Variants in ADNP observed in about 807,000 individuals in gnomAD.
The protein encoded by ADNP is activity dependent neuroprotector homeobox, also known as activity-dependent neuroprotector homeobox protein.
ADNP carries 4 observed loss-of-function variants against 84.9 expected under a neutral mutation model. The observed-to-expected ratio is 0.05, with a 90% CI of 0.02 to 0.11. The LOEUF (loss-of-function observed/expected upper bound fraction) is 0.11. ADNP is among the 10% of genes least tolerant of loss of function. The pLI is 1.00. For missense variants in ADNP, 1,132 were observed against 1,326.0 expected, an observed-to-expected ratio of 0.85 and a Z score of 2.27; for synonymous variants, 554 against 468.1, an observed-to-expected ratio of 1.18 and a Z score of -2.37.
Position 50,891,329 on chromosome 20 carries a change from G to A in ADNP, c.*76C>T. The A allele has an allele frequency of 2.0e-6, 3 of 1,474,406 alleles. No homozygotes were observed. Among genetic ancestry groups the A allele is most frequent in the Non-Finnish European group, 1.8e-6 (2 of 1,119,844 alleles). The allele number at this position is 1,474,406 out of a possible 1,614,324, so 91.3% of individuals were successfully genotyped here. A position where few individuals can be genotyped will look rare whatever the true frequency, so the allele number is the denominator to read the frequency against. ...AGTACTCACAAGGCAGTACCAGTGA[G>A]AAGACAGCTTTGCAGTCACACTGGA... On this transcript the variant is annotated 3_prime_UTR_variant, in exon 6 of 6. Transcript: ENST00000621696.
At chr20:50,909,363 C>CAAAAAAAAAAAAAAGAAAAAAAAAA (rs1982811621) in intron 2 of ADNP, 1 of 44,352 alleles carries the variant, frequency 2.3e-5, no homozygotes, top group Non-Finnish European at 4.0e-5. Context: ...AAAACTGTCT[C>CAAAAAAAAAAAAAAGAAAAAAAAAA]AAAAAAAAAA....
Position 50,892,552 on chromosome 20 carries a change from T to G in ADNP, c.2162A>C (p.Gln721Pro). 6.2e-7 allele frequency: 1 copy of G among 1,614,242 alleles called. No individual in the cohort carries two copies. Among genetic ancestry groups the G allele is most frequent in the Admixed American group, 1.7e-5 (1 of 60,028 alleles). ...TTTTTTCAGTAAGGGAAATTCCATT[T>G]GCTCGTAAGTGCGCTTCACAGGTGC... Reference protein sequence around the residue: ...SLAPVKRTYEQMEFPLLKKRK... With the variant: ...SLAPVKRTYEPMEFPLLKKRK... The change falls in exon 6 of 6, where the codon CAA becomes CCA. Residue 721 changes from glutamine to proline, a missense_variant. Transcript: ENST00000621696.
At chr20:50,908,501 G>A (rs961509774) in intron 2 of ADNP, among the ~76,000 whole-genome samples, 6 of 152,162 alleles carry the variant, frequency 3.9e-5, no homozygotes, top group Non-Finnish European at 7.4e-5. Context: ...TAGGCTGGGC[G>A]CGGTGGCTCA....
chr20:50,914,516 TAA>T (rs1368104088), intron 2 of ADNP: 2 of 285,742 alleles, frequency 7.0e-6, no homozygotes, highest in Non-Finnish European at 1.4e-5. Context: ...CAAAGTCTTA[TAA>T]ACATGTTGAC....
At chr20:50,899,487 AGG>A (rs1981744300) in intron 5 of ADNP, among the ~76,000 whole-genome samples, 1 of 152,178 alleles carries the variant, frequency 6.6e-6, no homozygotes, top group African/African-American at 2.4e-5. Context: ...CTGGGATTAT[AGG>A]CATGAGCCCA....
chr20:50,897,108 T>C (rs942379719), intron 5 of ADNP, among the ~76,000 whole-genome samples: 4 of 151,970 alleles, frequency 2.6e-5, no homozygotes, highest in African/African-American at 9.7e-5. Context: ...CCGGCTAATT[T>C]TTTTGTATTT....
Position 50,890,130 on chromosome 20 carries a change from T to TAAAAAAA in ADNP, c.*1274_*1275insTTTTTTT, listed in dbSNP as rs1980513723. 1 of 105,808 alleles carries TAAAAAAA rather than the reference T, an allele frequency of 9.5e-6. No individual in the cohort carries two copies. The highest frequency in any genetic ancestry group is 1.6e-5 in the Non-Finnish European group (1 of 62,956). 6.6% of individuals were successfully genotyped at this position (105,808 alleles called of 1,614,324 possible). ...AAACTCAAGGGTGTTTGTTTTTCAG[T>TAAAAAAA]TAAAAAAAAAAAAAAAAAAAAAAAA... On this transcript the variant is annotated 3_prime_UTR_variant, in exon 6 of 6. Transcript: ENST00000621696.
At chr20:50,905,580 C>T (rs887413560) in intron 2 of ADNP, 3 of 152,080 alleles carry the variant, frequency 2.0e-5, no homozygotes, top group East Asian at 3.8e-4. Context: ...AAACTGGGTA[C>T]GTTACTCTAA....
rs767970856 is a variant in ADNP at position 50,891,998 on chromosome 20, C to T, written c.2716G>A (p.Asp906Asn). The change falls in exon 6 of 6, where the codon GAT (aspartate) becomes AAT (asparagine). Residue 906 changes from aspartate (D) to asparagine (N), a missense_variant. Coordinates refer to ENST00000621696, the MANE Select transcript of ADNP (RefSeq NM_001282531.3). ...VFEVEPKISNDNPEEHVLKVI... is the reference protein window; with the variant it reads ...VFEVEPKISNNNPEEHVLKVI... ...TTCAGTACATGTTCCTCTGGGTTAT[C>T]GTTAGAGATTTTAGGTTCAACTTCA... The T allele has an allele frequency of 4.9e-5, 79 of 1,614,040 alleles. No individual in the cohort carries two copies. The highest frequency in any genetic ancestry group is 3.0e-4 in the Admixed American group (18 of 59,998).
chr20:50,913,825 C>G (rs1248528657), intron 2 of ADNP: 1 of 506,862 alleles, frequency 2.0e-6, no homozygotes, highest in East Asian at 4.3e-5. Flanking sequence ...AAACCCCTGG[C>G]TATGAGAACT....
intron 5 of ADNP, among the ~76,000 whole-genome samples, chr20:50,896,325 TA>T (rs893272008): frequency 1.8e-4 from 27 of 150,220 alleles, no homozygotes; most frequent in Non-Finnish European, 3.4e-4. Context: ...AAATTTGTTT[TA>T]AAAAAAAACT....
chr20:50,921,513 AG>A (rs1983954694), intron 2 of ADNP, among the ~76,000 whole-genome samples: 1 of 152,226 alleles, frequency 6.6e-6, no homozygotes, highest in Non-Finnish European at 1.5e-5. Flanking sequence ...CTGGTCTTTT[AG>A]GAAGATTTTC....
intron 2 of ADNP, among the ~76,000 whole-genome samples, chr20:50,921,823 T>C (rs1983971554): frequency 6.6e-6 from 1 of 152,230 alleles, no homozygotes; most frequent in Admixed American, 6.5e-5. Flanking sequence ...CGGGGGAAGA[T>C]GCCTCGGTAC....
At chr20:50,923,131 G>A (rs963098987) in intron 2 of ADNP, among the ~76,000 whole-genome samples, 1 of 152,142 alleles carries the variant, frequency 6.6e-6, no homozygotes, top group East Asian at 1.9e-4. Context: ...GCCAGGAACC[G>A]TGGTGGATGA....
At chr20:50,897,939 G>C (rs778604278) in intron 5 of ADNP, among the ~76,000 whole-genome samples, 3 of 152,194 alleles carry the variant, frequency 2.0e-5, no homozygotes, top group Admixed American at 6.5e-5. Flanking sequence ...CACTGGCCAA[G>C]TGTGTGTGTA....
intron 5 of ADNP, 117 bp downstream of exon 5, chr20:50,901,900 G>T (rs1982022945): frequency 1.2e-6 from 1 of 818,294 alleles, no homozygotes; most frequent in South Asian, 1.5e-5. Context: ...ATGCAATTTT[G>T]ACACTTTCGA....
chr20:50,907,598 C>T (rs1045187366), intron 2 of ADNP, among the ~76,000 whole-genome samples: 8 of 142,798 alleles, frequency 5.6e-5, no homozygotes, highest in Non-Finnish European at 3.1e-5. Context: ...CTCACGTTAA[C>T]GCCTGGCCAG....
rs1180971512 is a variant in ADNP, at chr20:50,891,363, T to C, written c.*42A>G. Reference sequence around the variant, plus strand: ...TTTGCAGTCACACTGGATATCAGAGTTCCAGGCTGCAGCATGTCACCAACG... The same window carrying C: ...TTTGCAGTCACACTGGATATCAGAGCTCCAGGCTGCAGCATGTCACCAACG... On this transcript the variant is annotated 3_prime_UTR_variant, in exon 6 of 6. Transcript: ENST00000621696. 1 of 1,536,808 alleles carries C rather than the reference T, an allele frequency of 6.5e-7. No individual in the cohort carries two copies. Among genetic ancestry groups the C allele is most frequent in the South Asian group, 1.3e-5 (1 of 78,588 alleles).
chr20:50,910,395 C>A (rs918890123), intron 2 of ADNP, among the ~76,000 whole-genome samples: 1 of 152,068 alleles, frequency 6.6e-6, no homozygotes, highest in Non-Finnish European at 1.5e-5. Context: ...GTTAGAGGGC[C>A]GAGTTCAAGA....
Sources: gnomAD v4.1 joint callset for allele counts (sites outside exome capture counted in the v4.1 genomes callset) on GRCh38, gnomAD v4.1.1 for gene constraint, MANE v1.5 for transcripts, NCBI Gene and HGNC (gene_info 2026-07-23, HGNC 2026-07-21) for gene names.